Variants in PIK3R4 observed in about 807,000 individuals in gnomAD.
PIK3R4 encodes the protein phosphoinositide 3-kinase regulatory subunit 4.
Under a neutral mutation model 136.5 loss-of-function variants are expected in PIK3R4, and 46 were observed. That is an observed-to-expected ratio of 0.34 (90% CI 0.27 to 0.43). PIK3R4 has a LOEUF of 0.43. Among genes scored for constraint, PIK3R4 ranks in the 20% least tolerant of loss-of-function variants. The pLI is 1.00. For missense variants in PIK3R4, 1,331 were observed against 1,649.5 expected (o/e 0.81, Z 3.35); for synonymous variants, 557 against 566.7 (o/e 0.98, Z 0.24).
chr3:130,697,838 A>G (rs1226314680), intron 13 of PIK3R4, among the ~76,000 whole-genome samples: 2 of 152,196 alleles, frequency 1.3e-5, no homozygotes, highest in Non-Finnish European at 2.9e-5. Context: ...ATCTCTTTAT[A>G]TGGATTGAAG....
intron 9 of PIK3R4, among the ~76,000 whole-genome samples, chr3:130,711,052 T>C (rs572178611): frequency 2.6e-5 from 4 of 151,954 alleles, no homozygotes; most frequent in Non-Finnish European, 5.9e-5. Flanking sequence ...GATGTTTTTT[T>C]CTACCAAAGA....
intron 7 of PIK3R4, among the ~76,000 whole-genome samples, chr3:130,723,062 CAAAAAAAAAAAAAAAAA>C (rs61129038): frequency 2.1e-4 from 4 of 19,500 alleles, no homozygotes; most frequent in African/African-American, 3.5e-4. Flanking sequence ...GAGACTGTCG[CAAAAAAAAAAAAAAAAA>C]AAAAAAAAAA....
intron 13 of PIK3R4, among the ~76,000 whole-genome samples, chr3:130,695,527 A>T (rs2066541250): frequency 6.6e-6 from 1 of 152,140 alleles, no homozygotes; most frequent in African/African-American, 2.4e-5. Flanking sequence ...GACTTTAATC[A>T]TTCCTTTATC....
intron 1 of PIK3R4, among the ~76,000 whole-genome samples, chr3:130,745,572 TTTGTG>T (rs1358719720): frequency 6.6e-6 from 1 of 152,202 alleles, no homozygotes; most frequent in Non-Finnish European, 1.5e-5. Context: ...AAAATGTTAG[TTTGTG>T]TTATTTTCTC....
intron 9 of PIK3R4, among the ~76,000 whole-genome samples, chr3:130,715,748 T>G (rs1368793844): frequency 6.6e-6 from 1 of 152,186 alleles, no homozygotes; most frequent in African/African-American, 2.4e-5. Flanking sequence ...TGTGCAGACC[T>G]CTTTAATTAG....
rs2066664824 is a variant in PIK3R4, at chr3:130,716,402, G to C, written c.2325C>G (p.Leu775=). Residue 775 remains leucine (L), a synonymous_variant, in exon 9 of 20, where the codon CTC becomes CTG. Coordinates refer to ENST00000356763, the MANE Select transcript of PIK3R4 (RefSeq NM_014602.3). ...TTTGGAAGGGTGATACAACCTGTGA[G>C]AGCAACTTCTTCAGAAGCTGTGCTA... ...PAIAQLLKKL[L]SQGMTEEEED... 1.2e-6 allele frequency: 2 copies of C among 1,613,540 alleles called. No homozygotes were observed. Among genetic ancestry groups the C allele is most frequent in the Non-Finnish European group, 8.5e-7 (1 of 1,179,574 alleles).
Position 130,690,554 on chromosome 3 carries a change from G to A in PIK3R4, c.3199C>T (p.Gln1067Ter), listed in dbSNP as rs1184938041. The A allele has an allele frequency of 2.5e-6, 4 of 1,612,916 alleles. No homozygotes were observed. The highest frequency in any genetic ancestry group is 3.4e-6 in the Non-Finnish European group (4 of 1,179,064). Residue 1067 changes from glutamine to a stop codon, truncating the protein, a stop_gained, in exon 14 of 20, where the codon CAG (glutamine) becomes TAG (stop). Transcript: ENST00000356763. LOFTEE classifies it high-confidence loss of function. Reference sequence around the variant, plus strand: ...TTAGAAGCCTCAATTCCAAGAAGCTGGACAGCACCATTATCAGATGCTATG... The same window carrying A: ...TTAGAAGCCTCAATTCCAAGAAGCTAGACAGCACCATTATCAGATGCTATG... Reference protein sequence around the residue: ...LAIASDNGAVQLLGIEASKLP... With the variant: ...LAIASDNGAV
intron 7 of PIK3R4, 33 bp downstream of exon 7, chr3:130,723,381 A>G: frequency 6.4e-7 from 1 of 1,563,062 alleles, no homozygotes. Flanking sequence ...AGTTCTTCCA[A>G]TCTCATTCTA....
chr3:130,730,382 T>A lies in PIK3R4; in HGVS notation c.1511A>T (p.Asn504Ile). 1 of 1,602,428 alleles carries A rather than the reference T, an allele frequency of 6.2e-7. No homozygotes were observed. The highest frequency in any genetic ancestry group is 8.5e-7 in the Non-Finnish European group (1 of 1,173,628). ...ATTGGGGTCATTTTCCATATTAAGA[T>A]TTTTTAACTGTACTAATTCCAGGAA... ...LRFLELVQLK[N>I]LNMENDPNNE... Residue 504 changes from asparagine to isoleucine, a missense_variant, in exon 5 of 20, where the codon AAT (asparagine) becomes ATT (isoleucine). This residue lies in a region of PIK3R4 where 1,180 missense variants were observed against 1,407.0 expected (regional missense o/e 0.84). Coordinates refer to ENST00000356763, the MANE Select transcript of PIK3R4 (RefSeq NM_014602.3).
chr3:130,720,685 T>C (rs2066694656), intron 7 of PIK3R4, among the ~76,000 whole-genome samples: 1 of 152,060 alleles, frequency 6.6e-6, no homozygotes, highest in Non-Finnish European at 1.5e-5. Flanking sequence ...AAAATCTGTT[T>C]TAACAACTAT....
At chr3:130,719,492 C>T (rs892612627) in intron 7 of PIK3R4, among the ~76,000 whole-genome samples, 3 of 152,122 alleles carry the variant, frequency 2.0e-5, no homozygotes, top group African/African-American at 7.2e-5. Flanking sequence ...CCCAAGGTCT[C>T]GCATTTCTAA....
intron 2 of PIK3R4, among the ~76,000 whole-genome samples, chr3:130,740,969 T>G (rs142717080): frequency 1.6e-4 from 24 of 152,264 alleles, no homozygotes; most frequent in African/African-American, 5.3e-4. Context: ...GTCTGTAAGT[T>G]TTTAAGGCTT....
rs377643946 is a variant in PIK3R4, at chr3:130,684,375, C to T, written c.3482G>A (p.Ser1161Asn). 3.7e-5 allele frequency: 59 copies of T among 1,612,774 alleles called. No homozygotes were observed. Among genetic ancestry groups the T allele is most frequent in the Non-Finnish European group, 4.9e-5 (58 of 1,179,176 alleles). Residue 1161 changes from serine to asparagine, a missense_variant, in exon 16 of 20, where the codon AGC (serine) becomes AAC (asparagine). This residue lies in a region of PIK3R4 where 1,180 missense variants were observed against 1,407.0 expected (regional missense o/e 0.84). Coordinates refer to ENST00000356763, the MANE Select transcript of PIK3R4 (RefSeq NM_014602.3). ...IHQCWLCIGT[S>N]SGTMACWDMR... ...GTCCCAACAAGCCATGGTACCACTG[C>T]TTGTACCTTAAAGAAAAAAGGAAAA...
At position 130,705,729 on chromosome 3, in the gene PIK3R4, GTAT is replaced by G. The variant is rs2066603074; in HGVS notation, c.2761_2763del (p.Ile921del). On this transcript the variant is annotated inframe_deletion, in exon 12 of 20. Transcript: ENST00000356763. ...GGTAAGATTGTACTACTTAAAACCG[GTAT>G]TACTGGTTTTTTATTTTGGACAGTT... 3 of 1,611,704 alleles carry G rather than the reference GTAT, an allele frequency of 1.9e-6. No homozygotes were observed. The highest frequency in any genetic ancestry group is 2.5e-6 in the Non-Finnish European group (3 of 1,177,894).
In PIK3R4 at chr3:130,706,963, C is replaced by A. The variant is rs747437277; in HGVS notation, c.2706G>T (p.Leu902Phe). The A allele has an allele frequency of 1.2e-6, 2 of 1,608,896 alleles. No individual in the cohort carries two copies. Among genetic ancestry groups the A allele is most frequent in the Non-Finnish European group, 1.7e-6 (2 of 1,177,872 alleles). ...SESSAGICVP[L>F]STSSQVPEVT... The stretch of plus-strand genomic sequence containing the variant: ...GACACAGTACCTGTGAAGAAGTTGA[C>A]AAAGGGACACAAATGCCAGCAGAGG... The change falls in exon 11 of 20, where the codon TTG (leucine) becomes TTT (phenylalanine). Residue 902 changes from leucine to phenylalanine, a missense_variant. Physicochemically the swap from Leu to Phe is conservative, Grantham distance 22. This residue lies in a region of PIK3R4 where 1,180 missense variants were observed against 1,407.0 expected (regional missense o/e 0.84). Coordinates refer to ENST00000356763, the MANE Select transcript of PIK3R4 (RefSeq NM_014602.3).
Position 130,722,369 on chromosome 3 carries a change from TC to T in PIK3R4, c.1981+1044del, listed in dbSNP as rs369821156. Among the ~76,000 whole-genome samples, 1,015 of 152,270 alleles carry T rather than the reference TC, an allele frequency of 6.7e-3. 6 individuals are homozygous for T. The highest frequency in any genetic ancestry group is 0.024 in the Middle Eastern group (7 of 294). On this transcript the variant is annotated intron_variant, in intron 7 of 19. Transcript: ENST00000356763. ...GATATATGAGCACTCCATATATTCATCCTGGGATCAAAGACTAGAAATAGCA... is the reference window on the plus strand; with the variant it reads ...GATATATGAGCACTCCATATATTCATCTGGGATCAAAGACTAGAAATAGCA...
rs2108513553 is a variant in PIK3R4 at position 130,681,006 on chromosome 3, T to C, written c.3768A>G (p.Leu1256=). ...TTTTCATATCTGAGCCAGCTGTTAG[T>C]AGGATAGGATTTCCATCTGCAGGAC... ...YCSPADGNPI[L]LTAGSDMKIR... Residue 1256 remains leucine, a synonymous_variant, in exon 18 of 20, where the codon CTA becomes CTG. Coordinates refer to ENST00000356763, the MANE Select transcript of PIK3R4 (RefSeq NM_014602.3). 1 of 1,583,442 alleles carries C rather than the reference T, an allele frequency of 6.3e-7. No individual in the cohort carries two copies. The highest frequency in any genetic ancestry group is 2.2e-5 in the East Asian group (1 of 44,696).
Position 130,721,832 on chromosome 3 carries a change from C to T in PIK3R4, c.1981+1582G>A, listed in dbSNP as rs1398443215. Reference sequence around the variant, plus strand: ...AGTTCTTGTACAGTATGTGCAAGTACAGCATGGTGATTATAATTAATAATA... The same window carrying T: ...AGTTCTTGTACAGTATGTGCAAGTATAGCATGGTGATTATAATTAATAATA... On this transcript the variant is annotated intron_variant, in intron 7 of 19. Coordinates refer to ENST00000356763, the MANE Select transcript of PIK3R4 (RefSeq NM_014602.3). Among the ~76,000 whole-genome samples, 11 of 152,066 alleles carry T rather than the reference C, an allele frequency of 7.2e-5. 2 individuals are homozygous for T. The highest frequency in any genetic ancestry group is 7.2e-4 in the Admixed American group (11 of 15,266).
At chr3:130,746,239 G>C (rs1388949438) in intron 1 of PIK3R4, 79 bp downstream of exon 1, 1 of 152,076 alleles carries the variant, frequency 6.6e-6, no homozygotes, top group Non-Finnish European at 1.5e-5. Flanking sequence ...CGTACCCCAG[G>C]GTTCTGCTAA....
Sources: allele counts gnomAD v4.1 joint callset (sites outside exome capture counted in the v4.1 genomes callset), GRCh38; gene constraint gnomAD v4.1.1; regional missense constraint gnomAD v4.1.1; transcripts MANE v1.5; gene names NCBI Gene and HGNC (gene_info 2026-07-23, HGNC 2026-07-21).